The following SNX30 variants were observed in gnomAD, a reference collection of about 807,000 sequenced individuals.
The protein encoded by SNX30 is sorting nexin family member 30.
In SNX30, 24 loss-of-function variants were observed where a neutral mutation model predicts 46.4. The observed-to-expected ratio is 0.52, with a 90% confidence interval of 0.37 to 0.73. SNX30 has a LOEUF of 0.73. Ranked by LOEUF, SNX30 falls within the 30% of genes least tolerant of loss-of-function variation. The pLI, the probability that SNX30 is intolerant of heterozygous loss-of-function variation, is 0.00. For synonymous variants in SNX30, 189 were observed against 211.5 expected (o/e 0.89, Z 0.92); for missense variants, 533 against 555.7 (o/e 0.96, Z 0.41).
At chr9:112,763,891 C>T (rs1237359604) in intron 1 of SNX30, among the ~76,000 whole-genome samples, 1 of 151,724 alleles carries the variant, frequency 6.6e-6, no homozygotes, top group African/African-American at 2.4e-5. Flanking sequence ...TACGGGGTAC[C>T]TATGTAATTT....
intron 2 of SNX30, among the ~76,000 whole-genome samples, chr9:112,813,949 A>G (rs1446745444): frequency 6.6e-6 from 1 of 152,236 alleles, no homozygotes; most frequent in Non-Finnish European, 1.5e-5. Context: ...TATCCTTGCC[A>G]CAGTTTAGAC....
chr9:112,867,433 CTT>C, intron 8 of SNX30, among the ~76,000 whole-genome samples: 1 of 149,490 alleles, frequency 6.7e-6, no homozygotes, highest in African/African-American at 2.6e-5. Context: ...ACTCCTCCTC[CTT>C]CCTCAGAACT....
intron 1 of SNX30, among the ~76,000 whole-genome samples, chr9:112,768,268 A>C (rs1033301891): frequency 2.0e-5 from 3 of 152,100 alleles, no homozygotes. Context: ...CACCCGTGCT[A>C]AGCTCATCCT....
chr9:112,842,506 G>A (rs1248043206), intron 6 of SNX30, among the ~76,000 whole-genome samples: 1 of 152,228 alleles, frequency 6.6e-6, no homozygotes, highest in East Asian at 1.9e-4. Flanking sequence ...TGTGGTGGGG[G>A]TTCCTCTCTG....
At chr9:112,815,688 A>G (rs914468597) in intron 2 of SNX30, among the ~76,000 whole-genome samples, 1 of 152,184 alleles carries the variant, frequency 6.6e-6, no homozygotes, top group African/African-American at 2.4e-5. Flanking sequence ...TAAGAAGGCA[A>G]AAAGTAGAGC....
downstream of SNX30, among the ~76,000 whole-genome samples, chr9:112,883,317 G>C (rs1841604371): frequency 6.6e-6 from 1 of 152,140 alleles, no homozygotes; most frequent in African/African-American, 2.4e-5. Flanking sequence ...GCTTTCTCAG[G>C]AGGTAGGAGA....
chr9:112,837,136 T>G (rs10981517), intron 5 of SNX30, among the ~76,000 whole-genome samples: 9,300 of 152,274 alleles, frequency 0.061, 650 homozygotes, highest in African/African-American at 0.16. Context: ...ATGACTGTGT[T>G]CTGTTGCAAC....
chr9:112,844,643 A>AG (rs1840910320), intron 6 of SNX30, among the ~76,000 whole-genome samples: 1 of 152,224 alleles, frequency 6.6e-6, no homozygotes, highest in South Asian at 2.1e-4. Flanking sequence ...TGTTTTAAGA[A>AG]GGGGGCAAAA....
At chr9:112,812,929 T>C (rs1410011829) in intron 2 of SNX30, among the ~76,000 whole-genome samples, 2 of 151,996 alleles carry the variant, frequency 1.3e-5, no homozygotes, top group Non-Finnish European at 2.9e-5. Context: ...GGTGGATCAC[T>C]TGAGGTCAGG....
chr9:112,830,925 T>G (rs1840650632), intron 4 of SNX30, 42 bp downstream of exon 4: 4 of 1,545,306 alleles, frequency 2.6e-6, no homozygotes, highest in African/African-American at 2.8e-5. Context: ...ATATTACCAT[T>G]CTTGGGGCTC....
chr9:112,868,602 G>A (rs1301571676), intron 8 of SNX30, among the ~76,000 whole-genome samples, 182 bp from the exon 9 acceptor site: 1 of 152,196 alleles, frequency 6.6e-6, no homozygotes, highest in African/African-American at 2.4e-5. Context: ...ATGGGGTGAC[G>A]CATTCAAAAC....
upstream of SNX30, among the ~76,000 whole-genome samples, chr9:112,749,925 A>G (rs1172157860): frequency 6.6e-6 from 1 of 152,212 alleles, no homozygotes; most frequent in Non-Finnish European, 1.5e-5. Context: ...AGATCTAGGG[A>G]CAGGTAAGGT....
intron 3 of SNX30, among the ~76,000 whole-genome samples, chr9:112,818,614 C>T (rs112654549): frequency 0.032 from 4,818 of 152,166 alleles, 254 homozygotes; most frequent in African/African-American, 0.11. Flanking sequence ...TTTCTTTGGG[C>T]CTTGGGGGCT....
At chr9:112,786,832 C>T (rs1200606437) in intron 1 of SNX30, among the ~76,000 whole-genome samples, 1 of 152,106 alleles carries the variant, frequency 6.6e-6, no homozygotes, top group African/African-American at 2.4e-5. Context: ...TTTTCTTTAC[C>T]TCTCCTTGTC....
chr9:112,797,426 C>T (rs535244352), intron 1 of SNX30, among the ~76,000 whole-genome samples: 2 of 151,938 alleles, frequency 1.3e-5, no homozygotes, highest in Admixed American at 1.3e-4. Flanking sequence ...GCTTGGGCAT[C>T]TTGTATCATT....
chr9:112,866,213 T>G (rs1783281032), intron 8 of SNX30, among the ~76,000 whole-genome samples: 1 of 150,482 alleles, frequency 6.6e-6, no homozygotes, highest in South Asian at 2.1e-4. Context: ...AGCTTCAGAG[T>G]GAGATAAGGA....
chr9:112,823,754 A>G (rs1840540658), intron 3 of SNX30, among the ~76,000 whole-genome samples: 1 of 152,082 alleles, frequency 6.6e-6, no homozygotes, highest in Non-Finnish European at 1.5e-5. Flanking sequence ...TAAAAACTCC[A>G]TTTTCTAGTT....
chr9:112,750,145 C>T (rs993994792), upstream of SNX30, among the ~76,000 whole-genome samples: 6 of 152,188 alleles, frequency 3.9e-5, no homozygotes, highest in Non-Finnish European at 8.8e-5. Flanking sequence ...TTGAGACTCT[C>T]TACTCATGCT....
chr9:112,777,418 A>ATATT lies in SNX30; in HGVS notation c.156+26284_156+26287dup, dbSNP rs111364157. 4.2e-3 allele frequency among the ~76,000 whole-genome samples: 640 copies of ATATT among 150,654 alleles called. 5 individuals carry two copies. The highest frequency in any genetic ancestry group is 0.013 in the African/African-American group (533 of 40,788). On this transcript the variant is annotated intron_variant, in intron 1 of 8. Coordinates refer to ENST00000374232, the MANE Select transcript of SNX30 (RefSeq NM_001012994.2). ...CGTCTTCCATATAATCTTTTTAAAG[A>ATATT]TATTTATTTATTTATTTATTTATTT...
Sources: allele counts gnomAD v4.1 joint callset (sites outside exome capture counted in the v4.1 genomes callset), GRCh38; gene constraint gnomAD v4.1.1; transcripts MANE v1.5; gene names NCBI Gene and HGNC (gene_info 2026-07-23, HGNC 2026-07-21).